Variants in CDH13 observed in about 807,000 individuals in gnomAD.
The protein encoded by CDH13 is cadherin 13.
A neutral mutation model predicts 63.8 loss-of-function variants in CDH13; 24 were observed. The ratio of observed to expected loss-of-function variants is 0.38; its 90% confidence interval spans 0.27 to 0.53. The LOEUF (loss-of-function observed/expected upper bound fraction) is 0.53, where lower values mean the gene tolerates loss of function less well. CDH13 is among the 20% of genes least tolerant of loss of function. CDH13 has a pLI of 0.85. For missense variants in CDH13, 1,049 were observed against 903.1 expected (o/e 1.16, Z -2.07); for synonymous variants, 503 against 355.3 (o/e 1.42, Z -4.67).
intron 6 of CDH13, among the ~76,000 whole-genome samples, chr16:83,358,571 A>C (rs886294084): frequency 6.6e-6 from 1 of 152,176 alleles, no homozygotes; most frequent in African/African-American, 2.4e-5. Context: ...GCCAAATCTA[A>C]TAACAGCTGA....
chr16:83,167,896 C>T (rs2037751547), intron 4 of CDH13, among the ~76,000 whole-genome samples: 1 of 152,012 alleles, frequency 6.6e-6, no homozygotes, highest in African/African-American at 2.4e-5. Flanking sequence ...ACAAGCTTTG[C>T]AGCAACATGG....
rs117279644 is a variant in CDH13, at chr16:83,394,460, C to T, written c.781+49454C>T. Among the ~76,000 whole-genome samples the T allele has an allele frequency of 2.5e-4, 38 of 152,112 alleles. No homozygotes were observed. The East Asian group carries it at 5.1e-3, about 20-fold the overall frequency. Reference sequence around the variant, plus strand: ...ATGCAAAGTCCCTGAGGCAGGCACACGTGTGGTGTACTGGAGGAATTGTAA... The same window carrying T: ...ATGCAAAGTCCCTGAGGCAGGCACATGTGTGGTGTACTGGAGGAATTGTAA... On this transcript the variant is annotated intron_variant, in intron 6 of 13. Coordinates refer to ENST00000567109, the MANE Select transcript of CDH13 (RefSeq NM_001257.5).
At chr16:83,037,318 C>CA (rs1567769347) in intron 3 of CDH13, among the ~76,000 whole-genome samples, 1 of 152,124 alleles carries the variant, frequency 6.6e-6, no homozygotes, top group Non-Finnish European at 1.5e-5. Context: ...TTGAAACTGA[C>CA]AAAAATGAGA....
chr16:83,751,176 C>G (rs1913051753), intron 11 of CDH13, among the ~76,000 whole-genome samples: 1 of 152,162 alleles, frequency 6.6e-6, no homozygotes, highest in South Asian at 2.1e-4. Flanking sequence ...TGGTGCCTGA[C>G]TTAGAGCAGG....
intron 5 of CDH13, among the ~76,000 whole-genome samples, chr16:83,295,657 CA>C (rs1310214418): frequency 6.6e-6 from 1 of 151,294 alleles, no homozygotes; most frequent in Non-Finnish European, 1.5e-5. Flanking sequence ...TGGCTGTTAT[CA>C]AAAAGATAAA....
intron 7 of CDH13, among the ~76,000 whole-genome samples, chr16:83,568,365 G>A (rs1267539444): frequency 1.3e-5 from 2 of 152,110 alleles, no homozygotes; most frequent in African/African-American, 4.8e-5. Flanking sequence ...ATGAAATTCT[G>A]GTCCTTCTTC....
intron 5 of CDH13, among the ~76,000 whole-genome samples, chr16:83,291,813 C>A (rs2113298): frequency 0.39 from 59,839 of 151,960 alleles, 11,843 homozygotes; most frequent in Admixed American, 0.43. Context: ...TGAGCTGCCC[C>A]TTAATTCATC....
intron 8 of CDH13, among the ~76,000 whole-genome samples, chr16:83,669,879 A>G (rs1483640826): frequency 2.0e-5 from 3 of 152,230 alleles, no homozygotes; most frequent in Non-Finnish European, 4.4e-5. Context: ...TTGCAAACAC[A>G]TTACTATTCA....
chr16:83,007,206 G>A (rs1415404007), intron 2 of CDH13, among the ~76,000 whole-genome samples: 1 of 152,118 alleles, frequency 6.6e-6, no homozygotes, highest in African/African-American at 2.4e-5. Flanking sequence ...ACAGGCATGA[G>A]CCACCGCGCC....
chr16:83,206,428 A>C (rs866223560), intron 4 of CDH13, among the ~76,000 whole-genome samples: 2 of 152,154 alleles, frequency 1.3e-5, no homozygotes, highest in Non-Finnish European at 2.9e-5. Context: ...GTCACCCATG[A>C]CGTGCTGCAA....
At chr16:82,975,491 A>G (rs1004223978) in intron 2 of CDH13, among the ~76,000 whole-genome samples, 2 of 152,232 alleles carry the variant, frequency 1.3e-5, no homozygotes, top group Non-Finnish European at 2.9e-5. Flanking sequence ...GACAGGGATA[A>G]TAATACTATC....
At chr16:83,166,978 T>C (rs946158064) in intron 4 of CDH13, among the ~76,000 whole-genome samples, 1 of 152,164 alleles carries the variant, frequency 6.6e-6, no homozygotes, top group Non-Finnish European at 1.5e-5. Context: ...GGATTTTATA[T>C]GTGAAAATGC....
At chr16:83,591,810 G>A (rs1363831882) in intron 7 of CDH13, among the ~76,000 whole-genome samples, 2 of 152,220 alleles carry the variant, frequency 1.3e-5, no homozygotes, top group East Asian at 3.8e-4. Context: ...TTCCTTGAAG[G>A]TCGAGAGCGT....
At chr16:82,867,004 G>C (rs1297348250) in intron 2 of CDH13, among the ~76,000 whole-genome samples, 1 of 152,230 alleles carries the variant, frequency 6.6e-6, no homozygotes, top group Non-Finnish European at 1.5e-5. Flanking sequence ...TGGCATGCAA[G>C]CTTCTGTGAG....
At chr16:83,386,381 C>T (rs559770595) in intron 6 of CDH13, among the ~76,000 whole-genome samples, 29 of 152,272 alleles carry the variant, frequency 1.9e-4, no homozygotes, top group African/African-American at 6.7e-4. Context: ...GACACCTGGT[C>T]ACTGACCCAG....
At chr16:83,017,708 A>C (rs2151448406) in intron 2 of CDH13, among the ~76,000 whole-genome samples, 1 of 152,332 alleles carries the variant, frequency 6.6e-6, no homozygotes, top group East Asian at 1.9e-4. Flanking sequence ...CTGTACTATT[A>C]GCACTATTAG....
At chr16:83,430,403 C>G (rs1408045885) in intron 6 of CDH13, among the ~76,000 whole-genome samples, 2 of 152,158 alleles carry the variant, frequency 1.3e-5, no homozygotes, top group Non-Finnish European at 2.9e-5. Context: ...AAATGAAAAA[C>G]CTGATTTCTT....
intron 7 of CDH13, among the ~76,000 whole-genome samples, chr16:83,510,006 G>C (rs565890853): frequency 6.6e-6 from 1 of 152,270 alleles, no homozygotes; most frequent in Admixed American, 6.5e-5. Context: ...CATTAGCCCT[G>C]CTTTAATGGA....
chr16:83,470,634 G>A (rs972666786), intron 6 of CDH13, among the ~76,000 whole-genome samples: 1 of 152,060 alleles, frequency 6.6e-6, no homozygotes, highest in Non-Finnish European at 1.5e-5. Context: ...GGGAGAATCT[G>A]ATTCTTCTAC....
Sources: gnomAD v4.1 joint callset for allele counts (sites outside exome capture counted in the v4.1 genomes callset) on GRCh38, gnomAD v4.1.1 for gene constraint, MANE v1.5 for transcripts, NCBI Gene and HGNC (gene_info 2026-07-23, HGNC 2026-07-21) for gene names.